SORBS2: variants seen among roughly 807,000 people sequenced by gnomAD.
SORBS2 encodes the protein sorbin and SH3 domain-containing protein 2.
Under a neutral mutation model 97.7 loss-of-function variants are expected in SORBS2, and 46 were observed. The ratio of observed to expected loss-of-function variants is 0.47; its 90% CI spans 0.37 to 0.60. The LOEUF is 0.60. SORBS2 is among the 20% of genes least tolerant of loss of function. The pLI, the probability that SORBS2 is intolerant of heterozygous loss-of-function variation, is 0.00. For missense variants in SORBS2, 1,316 were observed against 1,282.3 expected, an observed-to-expected ratio of 1.03 and a Z score of -0.40; for synonymous variants, 476 against 473.4, an observed-to-expected ratio of 1.01 and a Z score of -0.07.
intron 1 of SORBS2, among the ~76,000 whole-genome samples, chr4:185,837,676 T>C (rs369247319): frequency 4.6e-5 from 7 of 152,172 alleles, no homozygotes; most frequent in Non-Finnish European, 1.5e-5. Flanking sequence ...TTCATACAAA[T>C]GTAACTGTGA....
chr4:185,844,589 T>C (rs570681670), intron 1 of SORBS2, among the ~76,000 whole-genome samples: 1 of 152,312 alleles, frequency 6.6e-6, no homozygotes, highest in Admixed American at 6.5e-5. Context: ...AGAATTGTCA[T>C]ATGACCCAGA....
chr4:185,936,053 T>C (rs1411146906), intron 1 of SORBS2, among the ~76,000 whole-genome samples: 1 of 152,180 alleles, frequency 6.6e-6, no homozygotes, highest in African/African-American at 2.4e-5. Flanking sequence ...GGTTTCACCA[T>C]GTTGCATGTT....
intron 2 of SORBS2, among the ~76,000 whole-genome samples, chr4:185,736,587 C>G (rs2098689208): frequency 6.6e-6 from 1 of 152,204 alleles, no homozygotes; most frequent in Non-Finnish European, 1.5e-5. Flanking sequence ...CTAAATGAAA[C>G]CAGTGCCTGC....
intron 9 of SORBS2, among the ~76,000 whole-genome samples, chr4:185,617,536 T>C (rs1295035357): frequency 6.6e-6 from 1 of 152,078 alleles, no homozygotes; most frequent in Non-Finnish European, 1.5e-5. Context: ...TATATATATA[T>C]ATATTCAGTG....
At chr4:185,873,901 CTTATT>C (rs1435198049) in intron 1 of SORBS2, among the ~76,000 whole-genome samples, 5 of 152,054 alleles carry the variant, frequency 3.3e-5, no homozygotes, top group Non-Finnish European at 7.4e-5. Context: ...TGATTTCCCC[CTTATT>C]TTAATTAAAT....
chr4:185,674,655 G>T (rs2097767369), intron 4 of SORBS2, among the ~76,000 whole-genome samples: 1 of 152,116 alleles, frequency 6.6e-6, no homozygotes, highest in South Asian at 2.1e-4. Context: ...TCTGGTCTTT[G>T]TTACCTCTGA....
chr4:185,796,886 G>T (rs1288704918), intron 1 of SORBS2, among the ~76,000 whole-genome samples: 1 of 91,316 alleles, frequency 1.1e-5, no homozygotes, highest in Admixed American at 1.1e-4. Context: ...CCCTGGTCAC[G>T]GTGAGGCTGG....
chr4:185,950,549 A>G (rs2099276723), intron 1 of SORBS2, among the ~76,000 whole-genome samples: 1 of 152,202 alleles, frequency 6.6e-6, no homozygotes, highest in Admixed American at 6.5e-5. Context: ...CTTTATTCAA[A>G]TATTTCCCTA....
intron 4 of SORBS2, among the ~76,000 whole-genome samples, chr4:185,645,123 C>G (rs2097186726): frequency 6.6e-6 from 1 of 152,104 alleles, no homozygotes; most frequent in African/African-American, 2.4e-5. Flanking sequence ...CGTCTAAAAC[C>G]AATCCTGTTT....
At chr4:185,677,033 T>A in intron 4 of SORBS2, 1 of 1,551,208 alleles carries the variant, frequency 6.4e-7, no homozygotes, top group Non-Finnish European at 8.7e-7. Flanking sequence ...CCGCTGCAAC[T>A]GCAGATTTTT....
chr4:185,674,429 C>T (rs1358761569), intron 4 of SORBS2, among the ~76,000 whole-genome samples: 1 of 152,174 alleles, frequency 6.6e-6, no homozygotes, highest in Non-Finnish European at 1.5e-5. Context: ...TGAGCCCCAT[C>T]ATTTCTTACC....
chr4:185,653,327 T>C (rs1446696920), intron 1 of SORBS2, among the ~76,000 whole-genome samples: 1 of 152,250 alleles, frequency 6.6e-6, no homozygotes, highest in African/African-American at 2.4e-5. Flanking sequence ...ACAGAGTGTA[T>C]ACAACATTTG....
intron 2 of SORBS2, among the ~76,000 whole-genome samples, chr4:185,760,669 C>A (rs556355073): frequency 1.3e-5 from 2 of 152,308 alleles, no homozygotes; most frequent in African/African-American, 4.8e-5. Context: ...AATACTGATC[C>A]CTGGCAAAGA....
chr4:185,888,025 T>C (rs1198180321), intron 1 of SORBS2, among the ~76,000 whole-genome samples: 1 of 151,088 alleles, frequency 6.6e-6, no homozygotes, highest in East Asian at 1.9e-4. Flanking sequence ...ATTATAATTA[T>C]TGGAAGCATA....
At chr4:185,764,259 C>A (rs1011031294) in intron 2 of SORBS2, among the ~76,000 whole-genome samples, 2 of 152,120 alleles carry the variant, frequency 1.3e-5, no homozygotes, top group African/African-American at 4.8e-5. Flanking sequence ...AAACAGAAAT[C>A]CTTTCTTCTC....
intron 1 of SORBS2, among the ~76,000 whole-genome samples, chr4:185,915,028 C>T (rs886353982): frequency 1.4e-4 from 21 of 152,036 alleles, no homozygotes; most frequent in African/African-American, 3.6e-4. Context: ...TAATGAATGA[C>T]GACACTAAAG....
rs61631883 is a variant in SORBS2 at position 185,901,204 on chromosome 4, AT to A, written c.-338+54991del. 1.0e-3 allele frequency among the ~76,000 whole-genome samples: 152 copies of A among 147,984 alleles called. 2 individuals carry two copies. The South Asian group carries it at 0.017, about 16-fold the overall frequency. On this transcript the variant is annotated intron_variant, in intron 1 of 20. Coordinates refer to the SORBS2 transcript ENST00000284776. ...GCCTTACCCAAAATGTTGAAGAAGA[AT>A]TTTTTTTTTTTAATTGAGATGGAGT... is the stretch of plus-strand genomic sequence containing the variant.
chr4:185,928,631 T>C (rs553532099), intron 1 of SORBS2, among the ~76,000 whole-genome samples: 233 of 152,200 alleles, frequency 1.5e-3, no homozygotes, highest in African/African-American at 5.3e-3. Context: ...CTGCAAGCTC[T>C]GCCTCCTGGG....
At chr4:185,678,523 T>G in exon 4 of SORBS2, 1 of 1,547,916 alleles carries the variant, frequency 6.5e-7, no homozygotes, top group Non-Finnish European at 8.7e-7. Context: ...TGTCTCCTGA[T>G]TGCCATCATT....
Sources: gnomAD v4.1 joint callset for allele counts (sites outside exome capture counted in the v4.1 genomes callset) on GRCh38, gnomAD v4.1.1 for gene constraint, MANE v1.5 for transcripts, NCBI Gene and HGNC (gene_info 2026-07-23, HGNC 2026-07-21) for gene names.